Variants in KCNQ1 observed in about 807,000 individuals in gnomAD.
KCNQ1 encodes potassium voltage-gated channel subfamily Q member 1, also known as potassium voltage-gated channel subfamily KQT member 1.
Under a neutral mutation model 72.4 loss-of-function variants are expected in KCNQ1, and 49 were observed. That is an observed-to-expected ratio of 0.68 (90% CI 0.54 to 0.86). The LOEUF (loss-of-function observed/expected upper bound fraction) is 0.86, where lower values mean the gene tolerates loss of function less well. Among genes scored for constraint, KCNQ1 ranks in the 40% least tolerant of loss-of-function variants. The pLI, the probability that KCNQ1 is intolerant of heterozygous loss-of-function variation, is 0.00. For missense variants in KCNQ1, 790 were observed against 945.1 expected (o/e 0.84, Z 2.15); for synonymous variants, 450 against 412.6 (o/e 1.09, Z -1.10).
At chr11:2,799,939 G>A (rs769449310) in intron 15 of KCNQ1, among the ~76,000 whole-genome samples, 21 of 152,268 alleles carry the variant, frequency 1.4e-4, no homozygotes, top group Non-Finnish European at 2.5e-4. Flanking sequence ...CTACCTGGGC[G>A]ACCCCATTTT....
chr11:2,534,692 C>G (rs1450237394), intron 2 of KCNQ1, among the ~76,000 whole-genome samples: 1 of 152,242 alleles, frequency 6.6e-6, no homozygotes, highest in Non-Finnish European at 1.5e-5. Context: ...GGCTCACTTG[C>G]CTTTTTGTCC....
Position 2,766,518 on chromosome 11 carries a change from A to G in KCNQ1, c.1515-2326A>G, listed in dbSNP as rs1846500380. 1.3e-5 allele frequency among the ~76,000 whole-genome samples: 2 copies of G among 152,222 alleles called. No individual in the cohort carries two copies. Among genetic ancestry groups the G allele is most frequent in the Admixed American group, 6.5e-5 (1 of 15,288 alleles). On this transcript the variant is annotated intron_variant, in intron 11 of 15. Coordinates refer to ENST00000155840, the MANE Select transcript of KCNQ1 (RefSeq NM_000218.3). This position sits in a 1 kb window ranked among gnomAD's most constrained non-coding sequence, Gnocchi z 4.4. ...TCCTTGAGGCTGAGCTTCAGAAGAC[A>G]TGATCATTTCCACCATGGTGGAGAT...
Position 2,695,181 on chromosome 11 carries a change from C to T in KCNQ1, c.1514+33100C>T, listed in dbSNP as rs1850653224. 1 of 398,504 alleles carries T rather than the reference C, an allele frequency of 2.5e-6. No homozygotes were observed. The highest frequency in any genetic ancestry group is 4.4e-5 in the Admixed American group (1 of 22,718). The allele number at this position is 398,504 out of a possible 1,614,324, so 24.7% of individuals were successfully genotyped here. A position where few individuals can be genotyped will look rare whatever the true frequency, so the allele number is the denominator to read the frequency against. On this transcript the variant is annotated intron_variant, in intron 11 of 15. Coordinates refer to ENST00000155840, the MANE Select transcript of KCNQ1 (RefSeq NM_000218.3). This position sits in a 1 kb window ranked among gnomAD's most constrained non-coding sequence, Gnocchi z 5.2. Reference sequence around the variant, plus strand: ...ACTCTGCACAGAGTTGATCACAGCCCTCAGCCTATGAAACACTGTCACCCT... The same window carrying T: ...ACTCTGCACAGAGTTGATCACAGCCTTCAGCCTATGAAACACTGTCACCCT...
At chr11:2,846,217 C>T (rs1848325918) in intron 15 of KCNQ1, among the ~76,000 whole-genome samples, 1 of 152,212 alleles carries the variant, frequency 6.6e-6, no homozygotes, top group Non-Finnish European at 1.5e-5. Flanking sequence ...GGGCCAGCTC[C>T]CGCCTGCTGC....
chr11:2,675,037 G>T (rs1850268063), intron 11 of KCNQ1: 1 of 398,636 alleles, frequency 2.5e-6, no homozygotes, highest in Non-Finnish European at 4.4e-6. Flanking sequence ...GAGCCCAGGT[G>T]GGGGACGGGG....
chr11:2,687,095 G>T lies in KCNQ1; in HGVS notation c.1514+25014G>T. ...ATGCAAGATATCCTGAGTTGGGTGT[G>T]ACAAGTACACCTTGACACACAAACT... On this transcript the variant is annotated intron_variant, in intron 11 of 15. Transcript: ENST00000155840. The surrounding 1 kb of genome is among the most constrained non-coding windows in gnomAD (Gnocchi z 5.0). The T allele has an allele frequency of 2.5e-6, 1 of 398,626 alleles. No individual in the cohort carries two copies. The highest frequency in any genetic ancestry group is 1.3e-4 in the South Asian group (1 of 7,834). The allele number at this position is 398,626 out of a possible 1,614,324, so 24.7% of individuals were successfully genotyped here. A position where few individuals can be genotyped will look rare whatever the true frequency, so the allele number is the denominator to read the frequency against.
rs575955372 is a variant in KCNQ1 at position 2,817,537 on chromosome 11, A to G, written c.1795-30230A>G. Among the ~76,000 whole-genome samples the G allele has an allele frequency of 6.6e-6, 1 of 152,168 alleles. No homozygotes were observed. The highest frequency in any genetic ancestry group is 2.4e-5 in the African/African-American group (1 of 41,502). On this transcript the variant is annotated intron_variant, in intron 15 of 15. Coordinates refer to ENST00000155840, the MANE Select transcript of KCNQ1 (RefSeq NM_000218.3). The surrounding 1 kb of genome is among the most constrained non-coding windows in gnomAD (Gnocchi z 6.1). ...TACCCTGTGAAAGAACAGGTTCCCC[A>G]ATTTTGGTTCATGGTACCTGAGATG... is the stretch of plus-strand genomic sequence containing the variant.
intron 15 of KCNQ1, among the ~76,000 whole-genome samples, chr11:2,841,012 AC>A (rs879208598): frequency 6.6e-6 from 1 of 152,236 alleles, no homozygotes; most frequent in African/African-American, 2.4e-5. Context: ...TAGGGTTAAG[AC>A]GGTGACTGCC....
intron 10 of KCNQ1, chr11:2,618,792 A>T: frequency 5.0e-6 from 2 of 398,364 alleles, no homozygotes; most frequent in Non-Finnish European, 8.9e-6. Flanking sequence ...CATTTTAACA[A>T]TATTATTCAG....
intron 2 of KCNQ1, among the ~76,000 whole-genome samples, chr11:2,551,584 T>A (rs1656700004): frequency 6.6e-6 from 1 of 152,238 alleles, no homozygotes; most frequent in Admixed American, 6.5e-5. Flanking sequence ...TTTTGAGTAA[T>A]CATATGTCTT....
At chr11:2,742,894 G>A (rs1276157826) in intron 11 of KCNQ1, among the ~76,000 whole-genome samples, 1 of 152,212 alleles carries the variant, frequency 6.6e-6, no homozygotes, top group Non-Finnish European at 1.5e-5. Flanking sequence ...CCCCACACCT[G>A]TGGTGTGGCA....
rs1239503507 is a variant in KCNQ1 at position 2,764,039 on chromosome 11, C to G, written c.1515-4805C>G. 1.3e-5 allele frequency among the ~76,000 whole-genome samples: 2 copies of G among 152,090 alleles called. No homozygotes were observed. Among genetic ancestry groups the G allele is most frequent in the East Asian group, 3.9e-4 (2 of 5,194 alleles). On this transcript the variant is annotated intron_variant, in intron 11 of 15. Coordinates refer to ENST00000155840, the MANE Select transcript of KCNQ1 (RefSeq NM_000218.3). This position sits in a 1 kb window ranked among gnomAD's most constrained non-coding sequence, Gnocchi z 4.8. ...TCCTTGTACCTTTTATCTCCCTTTT[C>G]CTACCTTTTTAACATACCAGCTGGG...
Position 2,620,998 on chromosome 11 carries a change from GAA to G in KCNQ1, c.1393+32146_1393+32147del, listed in dbSNP as rs1234507612. On this transcript the variant is annotated intron_variant, in intron 10 of 15. Coordinates refer to ENST00000155840, the MANE Select transcript of KCNQ1 (RefSeq NM_000218.3). The surrounding 1 kb of genome is among the most constrained non-coding windows in gnomAD (Gnocchi z 4.5). ...TTTTGTTTGTTTGTTTGTTTTTTGA[GAA>G]AGAGTCTTGCTCTGTCTCCCAGGCT... 2.5e-6 allele frequency: 1 copy of G among 392,926 alleles called. No homozygotes were observed. The highest frequency in any genetic ancestry group is 4.5e-6 in the Non-Finnish European group (1 of 224,518). 24.3% of individuals were successfully genotyped at this position (392,926 alleles called of 1,614,324 possible).
At chr11:2,560,991 A>G (rs1192763265) in intron 2 of KCNQ1, among the ~76,000 whole-genome samples, 2 of 151,964 alleles carry the variant, frequency 1.3e-5, no homozygotes, top group Non-Finnish European at 2.9e-5. Flanking sequence ...TCACGAGGTC[A>G]GGAGATCGAG....
At chr11:2,568,406 C>T (rs2133722731) in intron 2 of KCNQ1, among the ~76,000 whole-genome samples, 1 of 152,368 alleles carries the variant, frequency 6.6e-6, no homozygotes, top group African/African-American at 2.4e-5. Context: ...CCATCAAGGC[C>T]ACCAATAGTC....
In KCNQ1 at chr11:2,664,307, G is replaced by T; in HGVS notation, c.1514+2226G>T. The T allele has an allele frequency of 2.5e-6, 1 of 399,122 alleles. No homozygotes were observed. Among genetic ancestry groups the T allele is most frequent in the Non-Finnish European group, 4.4e-6 (1 of 226,476 alleles). 24.7% of individuals were successfully genotyped at this position (399,122 alleles called of 1,614,324 possible). A position where few individuals can be genotyped will look rare whatever the true frequency, so the allele number is the denominator to read the frequency against. On this transcript the variant is annotated intron_variant, in intron 11 of 15. Transcript: ENST00000155840. This position sits in a 1 kb window ranked among gnomAD's most constrained non-coding sequence, Gnocchi z 5.1. Reference sequence around the variant, plus strand: ...GGGCCACCTTGAGGCATTGTGTTCTGGTCAGGGAAGACTCAGGGCTGAGGC... The same window carrying T: ...GGGCCACCTTGAGGCATTGTGTTCTTGTCAGGGAAGACTCAGGGCTGAGGC...
chr11:2,653,184 TC>T lies in KCNQ1; in HGVS notation c.1394-8774del. On this transcript the variant is annotated intron_variant, in intron 10 of 15. Transcript: ENST00000155840. This position sits in a 1 kb window ranked among gnomAD's most constrained non-coding sequence, Gnocchi z 5.3. ...CCTTAGGAAATCCCTTTCCAAGAGT[TC>T]CCTGTGCTGTTGCAGGGCTAGGGCC... is the stretch of plus-strand genomic sequence containing the variant. 2.5e-6 allele frequency: 1 copy of T among 398,728 alleles called. No individual in the cohort carries two copies. Among genetic ancestry groups the T allele is most frequent in the Non-Finnish European group, 4.4e-6 (1 of 226,116 alleles). The allele number at this position is 398,728 out of a possible 1,614,324, so 24.7% of individuals were successfully genotyped here. A position where few individuals can be genotyped will look rare whatever the true frequency, so the allele number is the denominator to read the frequency against.
chr11:2,614,187 T>G (rs990940544), intron 10 of KCNQ1: 5 of 398,458 alleles, frequency 1.3e-5, no homozygotes, highest in Non-Finnish European at 2.2e-5. Context: ...GGTGATTCTC[T>G]GAGGGTGCCA....
Position 2,720,571 on chromosome 11 carries a change from C to A in KCNQ1, c.1515-48273C>A, listed in dbSNP as rs1851185650. Among the ~76,000 whole-genome samples, 1 of 152,198 alleles carries A rather than the reference C, an allele frequency of 6.6e-6. No individual in the cohort carries two copies. The highest frequency in any genetic ancestry group is 2.1e-4 in the South Asian group (1 of 4,832). ...CATTAACCCCTACCTGTCCAGAACT[C>A]TGAGCTCCTGTGGGTCCTTCTCTGA... On this transcript the variant is annotated intron_variant, in intron 11 of 15. Transcript: ENST00000155840. This position sits in a 1 kb window ranked among gnomAD's most constrained non-coding sequence, Gnocchi z 5.1.
Sources: gnomAD v4.1 joint callset for allele counts (sites outside exome capture counted in the v4.1 genomes callset) on GRCh38, gnomAD v4.1.1 for gene constraint, Gnocchi (gnomAD v3.1) non-coding constraint, MANE v1.5 for transcripts, NCBI Gene and HGNC (gene_info 2026-07-23, HGNC 2026-07-21) for gene names.